The following NDST4 variants were observed in gnomAD, a reference collection of about 807,000 sequenced individuals.
The protein encoded by NDST4 is N-deacetylase and N-sulfotransferase 4.
In NDST4, 63 loss-of-function variants were observed where a neutral mutation model predicts 100.8. That is an observed-to-expected ratio of 0.62 (90% confidence interval 0.51 to 0.77). NDST4 has a LOEUF of 0.77. Among genes scored for constraint, NDST4 ranks in the 30% least tolerant of loss-of-function variants. The probability of loss-of-function intolerance (pLI) is 0.00; values close to 1 mark genes in which losing one functional copy is unlikely to be tolerated. For missense variants in NDST4, 943 were observed against 1,018.4 expected, an observed-to-expected ratio of 0.93 and a Z score of 1.01; for synonymous variants, 377 against 361.8, an observed-to-expected ratio of 1.04 and a Z score of -0.48.
chr4:114,913,756 T>C (rs1406006600), intron 6 of NDST4, among the ~76,000 whole-genome samples: 6 of 151,506 alleles, frequency 4.0e-5, no homozygotes, highest in Admixed American at 1.3e-4. Context: ...AAAAACACTT[T>C]TATTTCTATT....
chr4:114,834,693 A>G (rs1723274261), intron 11 of NDST4, among the ~76,000 whole-genome samples: 1 of 152,082 alleles, frequency 6.6e-6, no homozygotes, highest in African/African-American at 2.4e-5. Flanking sequence ...GTTAGGGAGG[A>G]GTCCCTCTTT....
intron 1 of NDST4, among the ~76,000 whole-genome samples, chr4:115,097,567 C>A (rs545713916): frequency 6.6e-6 from 1 of 152,240 alleles, no homozygotes; most frequent in South Asian, 2.1e-4. Context: ...ATGGCTATCA[C>A]CTCTGCACAA....
chr4:114,994,372 C>T (rs1727115035), intron 2 of NDST4, among the ~76,000 whole-genome samples: 2 of 151,938 alleles, frequency 1.3e-5, no homozygotes, highest in African/African-American at 2.4e-5. Context: ...TATACATACA[C>T]GCTTGGAATA....
At chr4:115,026,738 A>G (rs1338645290) in intron 2 of NDST4, among the ~76,000 whole-genome samples, 1 of 151,972 alleles carries the variant, frequency 6.6e-6, no homozygotes, top group East Asian at 1.9e-4. Context: ...TCAGAGAGAT[A>G]GGCAGGCACA....
intron 11 of NDST4, among the ~76,000 whole-genome samples, chr4:114,835,547 A>C (rs796995403): frequency 2.0e-5 from 3 of 152,270 alleles, no homozygotes; most frequent in African/African-American, 7.2e-5. Context: ...TTACGTGGTC[A>C]ATTTTAGAAT....
chr4:115,087,264 A>G (rs1729425786), intron 1 of NDST4, among the ~76,000 whole-genome samples: 1 of 152,014 alleles, frequency 6.6e-6, no homozygotes, highest in African/African-American at 2.4e-5. Context: ...CAGGCTATCT[A>G]AAATTCAGTT....
chr4:114,954,069 A>T (rs1726082025), intron 4 of NDST4, among the ~76,000 whole-genome samples: 1 of 152,164 alleles, frequency 6.6e-6, no homozygotes. Context: ...AATAAAGAGA[A>T]TTAACTATAT....
intron 7 of NDST4, among the ~76,000 whole-genome samples, chr4:114,863,950 G>A (rs1391630225): frequency 6.6e-6 from 1 of 152,082 alleles, no homozygotes; most frequent in Non-Finnish European, 1.5e-5. Context: ...TCGCAATCAA[G>A]CTAAAAAGAA....
chr4:115,022,090 ATATACACGTTCCACGTC>A (rs1180735272), intron 2 of NDST4, among the ~76,000 whole-genome samples: 21 of 145,314 alleles, frequency 1.4e-4, no homozygotes, highest in Non-Finnish European at 2.4e-4. Flanking sequence ...CACGTTCCAT[ATATACACGTTCCACGTC>A]TATACACGTT....
At chr4:114,945,821 T>C (rs1370479443) in intron 4 of NDST4, among the ~76,000 whole-genome samples, 1 of 152,158 alleles carries the variant, frequency 6.6e-6, no homozygotes, top group Non-Finnish European at 1.5e-5. Context: ...GGGACTGAAA[T>C]TGTCTTCTTC....
intron 7 of NDST4, 35 bp downstream of exon 7, chr4:114,870,733 T>C (rs764290011): frequency 6.5e-7 from 1 of 1,540,798 alleles, no homozygotes; most frequent in South Asian, 1.3e-5. Flanking sequence ...GCTAGTTTCT[T>C]TCCTTCCACC....
At chr4:114,978,774 C>T (rs1312515523) in intron 2 of NDST4, among the ~76,000 whole-genome samples, 7 of 151,892 alleles carry the variant, frequency 4.6e-5, no homozygotes, top group African/African-American at 1.2e-4. Context: ...AAATTTCTCC[C>T]GTCTGCTATT....
chr4:115,048,097 ATT>A (rs34190385), intron 2 of NDST4, among the ~76,000 whole-genome samples: 10 of 146,820 alleles, frequency 6.8e-5, no homozygotes, highest in Admixed American at 6.8e-5. Flanking sequence ...GAAGTTTATA[ATT>A]TTTTTTTTTT....
chr4:114,923,504 C>A (rs1725328870), intron 6 of NDST4, among the ~76,000 whole-genome samples: 1 of 152,018 alleles, frequency 6.6e-6, no homozygotes, highest in Non-Finnish European at 1.5e-5. Flanking sequence ...ACCTCACAAA[C>A]AAACCAGAAA....
intron 6 of NDST4, among the ~76,000 whole-genome samples, chr4:114,879,457 C>T (rs1724321101): frequency 1.3e-5 from 2 of 152,122 alleles, no homozygotes; most frequent in South Asian, 4.1e-4. Flanking sequence ...CTCCTCTACA[C>T]ACCTAAATCA....
chr4:114,901,963 T>C (rs1171047101), intron 6 of NDST4, among the ~76,000 whole-genome samples: 1 of 152,038 alleles, frequency 6.6e-6, no homozygotes, highest in East Asian at 1.9e-4. Context: ...AAAGAAATCC[T>C]AATTTCTCCT....
intron 2 of NDST4, among the ~76,000 whole-genome samples, chr4:115,022,250 C>T (rs552812425): frequency 3.9e-4 from 59 of 149,592 alleles, no homozygotes; most frequent in Middle Eastern, 3.5e-3. Context: ...CGTCTATGCA[C>T]GTTCCATATA....
chr4:115,071,946 T>C (rs1167156395), intron 2 of NDST4, among the ~76,000 whole-genome samples: 1 of 152,116 alleles, frequency 6.6e-6, no homozygotes, highest in East Asian at 1.9e-4. Context: ...TCATATTTAT[T>C]CATTAATAGG....
intron 11 of NDST4, among the ~76,000 whole-genome samples, chr4:114,834,277 G>T (rs1366404292): frequency 6.6e-6 from 1 of 152,146 alleles, no homozygotes; most frequent in Non-Finnish European, 1.5e-5. Context: ...ACTGTGTGAG[G>T]CTGAGGTGGG....
Sources: allele counts gnomAD v4.1 joint callset (sites outside exome capture counted in the v4.1 genomes callset), GRCh38; gene constraint gnomAD v4.1.1; transcripts MANE v1.5; gene names NCBI Gene and HGNC (gene_info 2026-07-23, HGNC 2026-07-21).